EDARADD: variants seen among roughly 807,000 people sequenced by gnomAD.
The protein encoded by EDARADD is ectodysplasin-A receptor-associated adapter protein.
EDARADD carries 20 observed loss-of-function variants against 25.6 expected under a neutral mutation model. That is an observed-to-expected ratio of 0.78 (90% CI 0.55 to 1.14). EDARADD has a LOEUF of 1.14. EDARADD is among the 50% of genes most tolerant of loss of function. The probability of loss-of-function intolerance (pLI) is 0.00; values close to 1 mark genes in which losing one functional copy is unlikely to be tolerated. For synonymous variants in EDARADD, 86 were observed against 94.4 expected (o/e 0.91, Z 0.52); for missense variants, 225 against 270.1 (o/e 0.83, Z 1.17).
rs1412159055 is a variant in EDARADD at position 236,394,437 on chromosome 1, A to G, written c.-8A>G. On this transcript the variant is annotated 5_prime_UTR_variant, in exon 1 of 6. Transcript: ENST00000334232. ...CCAGAGAATTAAGAAGCCAAACTCA[A>G]CATCGCCATGGGCCTCAGGACGACT... 2 of 1,614,016 alleles carry G rather than the reference A, an allele frequency of 1.2e-6. No homozygotes were observed. The highest frequency in any genetic ancestry group is 1.7e-6 in the Non-Finnish European group (2 of 1,180,012).
intron 4 of EDARADD, among the ~76,000 whole-genome samples, chr1:236,447,172 C>T (rs1353983590): frequency 0.011 from 840 of 76,708 alleles, 5 homozygotes; most frequent in African/African-American, 0.056. Flanking sequence ...CTCCCTCCCT[C>T]TTTCTTTCTT....
chr1:236,469,790 T>C (rs572599925), intron 5 of EDARADD, among the ~76,000 whole-genome samples: 8 of 152,286 alleles, frequency 5.3e-5, no homozygotes, highest in African/African-American at 1.9e-4. Flanking sequence ...TTTTTTTCAT[T>C]CCATAGATTT....
At position 236,395,442 on chromosome 1, in the gene EDARADD, T is replaced by G; in HGVS notation, c.61+937T>G. 1 of 1,469,504 alleles carries G rather than the reference T, an allele frequency of 6.8e-7. No individual in the cohort carries two copies. Among genetic ancestry groups the G allele is most frequent in the South Asian group, 1.4e-5 (1 of 74,020 alleles). The allele number at this position is 1,469,504 out of a possible 1,614,324, so 91.0% of individuals were successfully genotyped here. On this transcript the variant is annotated intron_variant, in intron 1 of 5. Coordinates refer to ENST00000334232, the MANE Select transcript of EDARADD (RefSeq NM_145861.4). The surrounding 1 kb of genome is among the most constrained non-coding windows in gnomAD (Gnocchi z 6.9). ...ATTGCCAAAGCAGGAAGTGAGCTCG[T>G]GGAAGAAGCGAAGGAGGAGAAGAAG...
rs776064017 is a variant in EDARADD at position 236,459,611 on chromosome 1, C to CCTTT, written c.220-8620_220-8619insCTTT. On this transcript the variant is annotated intron_variant, in intron 4 of 5. Coordinates refer to ENST00000334232, the MANE Select transcript of EDARADD (RefSeq NM_145861.4). ...ATATTTTCACTCTTCTTATTTAGCT[C>CCTTT]TTTTTTTTTTTTTTTTTTTTGAGAT... Among the ~76,000 whole-genome samples the CCTTT allele has an allele frequency of 9.0e-5, 9 of 100,484 alleles. 1 individual carries two copies. Among genetic ancestry groups the CCTTT allele is most frequent in the Admixed American group, 1.2e-4 (1 of 8,374 alleles). 65.9% of individuals were successfully genotyped at this position (100,484 alleles called of 152,430 possible). A position where few individuals can be genotyped will look rare whatever the true frequency, so the allele number is the denominator to read the frequency against.
chr1:236,479,511 A>C (rs1659605723), intron 5 of EDARADD, among the ~76,000 whole-genome samples: 1 of 151,834 alleles, frequency 6.6e-6, no homozygotes, highest in African/African-American at 2.4e-5. Context: ...AAAGAAAAAA[A>C]AAACCTCTCT....
chr1:236,453,835 C>A (rs1658777264), intron 4 of EDARADD, among the ~76,000 whole-genome samples: 1 of 152,162 alleles, frequency 6.6e-6, no homozygotes, highest in Non-Finnish European at 1.5e-5. Flanking sequence ...TTAAGGGACA[C>A]ATGACTGTAA....
At chr1:236,404,701 G>A (rs536111312) in intron 1 of EDARADD, among the ~76,000 whole-genome samples, 2 of 152,198 alleles carry the variant, frequency 1.3e-5, no homozygotes, top group Non-Finnish European at 2.9e-5. Context: ...TACTTGGGAG[G>A]CTGAGGTGGG....
At chr1:236,352,381 G>T (rs1666924277) in intron 3 of EDARADD, among the ~76,000 whole-genome samples, 1 of 152,192 alleles carries the variant, frequency 6.6e-6, no homozygotes, top group Non-Finnish European at 1.5e-5. Context: ...AAGTGCAGGA[G>T]CTCAGTCTAA....
intron 1 of EDARADD, among the ~76,000 whole-genome samples, chr1:236,405,731 TTCTTTC>T: frequency 3.5e-5 from 1 of 28,834 alleles, no homozygotes; most frequent in East Asian, 4.9e-4. Context: ...TTCTTTTTCT[TTCTTTC>T]TTTCTTTCTT....
chr1:236,399,063 G>A (rs961864853), intron 1 of EDARADD, among the ~76,000 whole-genome samples: 14 of 152,296 alleles, frequency 9.2e-5, no homozygotes, highest in African/African-American at 3.1e-4. Flanking sequence ...CTTACTCATC[G>A]AGTTAGCCGT....
chr1:236,358,969 G>A (rs1036742558), intron 3 of EDARADD, among the ~76,000 whole-genome samples: 18 of 152,190 alleles, frequency 1.2e-4, no homozygotes, highest in Admixed American at 1.1e-3. Context: ...TTGATAGTTG[G>A]GTGTTAAAGT....
rs950877519 is a variant in EDARADD, at chr1:236,483,673, T to A, written c.*1024T>A. 2 of 1,572,948 alleles carry A rather than the reference T, an allele frequency of 1.3e-6. No individual in the cohort carries two copies. Among genetic ancestry groups the A allele is most frequent in the African/African-American group, 1.4e-5 (1 of 73,920 alleles). ...AAGCTGGCCATGCAGGAGTTCATGG[T>A]CCTCCCAGTCGGTGCAGCAAACTTC... On this transcript the variant is annotated 3_prime_UTR_variant, in exon 6 of 6. Transcript: ENST00000334232.
At chr1:236,429,085 G>A (rs939999807) in intron 4 of EDARADD, among the ~76,000 whole-genome samples, 6 of 152,124 alleles carry the variant, frequency 3.9e-5, no homozygotes, top group Admixed American at 6.5e-5. Context: ...AGATGGCATC[G>A]GTACAGTCCA....
chr1:236,482,781 C>A lies in EDARADD; in HGVS notation c.*132C>A. ...CAGTGGACACTGGTTTTCCCCAAAG[C>A]TGGCAGTTTTGTGGAGGGGTAGCTT... On this transcript the variant is annotated 3_prime_UTR_variant, in exon 6 of 6. Coordinates refer to ENST00000334232, the MANE Select transcript of EDARADD (RefSeq NM_145861.4). 1 of 1,406,168 alleles carries A rather than the reference C, an allele frequency of 7.1e-7. No individual in the cohort carries two copies. The highest frequency in any genetic ancestry group is 9.8e-7 in the Non-Finnish European group (1 of 1,022,402). The allele number at this position is 1,406,168 out of a possible 1,614,324, so 87.1% of individuals were successfully genotyped here.
In EDARADD at chr1:236,483,174, C is replaced by T; in HGVS notation, c.*525C>T. On this transcript the variant is annotated 3_prime_UTR_variant, in exon 6 of 6. Coordinates refer to ENST00000334232, the MANE Select transcript of EDARADD (RefSeq NM_145861.4). ...TGGCTAGAAATTCACCATGTCTATT[C>T]TCAAGATCCATGCCAGGGAGCTCTT... 1 of 1,560,488 alleles carries T rather than the reference C, an allele frequency of 6.4e-7. No homozygotes were observed. Among genetic ancestry groups the T allele is most frequent in the South Asian group, 1.1e-5 (1 of 89,976 alleles).
In EDARADD at chr1:236,468,053, G is replaced by A. The variant is rs117338854; in HGVS notation, c.220-178G>A. On this transcript the variant is annotated intron_variant, in intron 4 of 5. Coordinates refer to ENST00000334232, the MANE Select transcript of EDARADD (RefSeq NM_145861.4). ...AAAAGCCCCTGCGCTCAAGGTGCTC[G>A]TATTCTAGAGGGAGATGCTGAGTTC... Among the ~76,000 whole-genome samples, 839 of 152,254 alleles carry A rather than the reference G, an allele frequency of 5.5e-3. 14 individuals carry two copies. Among genetic ancestry groups the A allele is most frequent in the East Asian group, 0.03 (158 of 5,184 alleles).
chr1:236,453,762 A>C (rs1203580110), intron 4 of EDARADD, among the ~76,000 whole-genome samples: 2 of 152,048 alleles, frequency 1.3e-5, no homozygotes, highest in Non-Finnish European at 2.9e-5. Context: ...GTGTAAGGGC[A>C]CTCTATGATG....
At chr1:236,378,367 T>G (rs1558104498) in intron 3 of EDARADD, among the ~76,000 whole-genome samples, 1 of 152,136 alleles carries the variant, frequency 6.6e-6, no homozygotes, top group Non-Finnish European at 1.5e-5. Flanking sequence ...AGCCTGAAGT[T>G]TTCATTGCTC....
chr1:236,428,915 C>G (rs1312593044), intron 4 of EDARADD, among the ~76,000 whole-genome samples: 2 of 152,130 alleles, frequency 1.3e-5, no homozygotes, highest in Non-Finnish European at 2.9e-5. Context: ...TGGCAGATCA[C>G]TCGCGGTCAG....
Sources: gnomAD v4.1 joint callset for allele counts (sites outside exome capture counted in the v4.1 genomes callset) on GRCh38, gnomAD v4.1.1 for gene constraint, Gnocchi (gnomAD v3.1) non-coding constraint, MANE v1.5 for transcripts, NCBI Gene and HGNC (gene_info 2026-07-23, HGNC 2026-07-21) for gene names.